COL12A1: variants seen among roughly 807,000 people sequenced by gnomAD.
COL12A1 encodes the protein collagen alpha-1(XII) chain.
A neutral mutation model predicts 349.7 loss-of-function variants in COL12A1; 114 were observed. That is an observed-to-expected ratio of 0.33 (90% CI 0.28 to 0.38). The LOEUF is 0.38. Among genes scored for constraint, COL12A1 ranks in the 10% least tolerant of loss-of-function variants. The pLI is 1.00. For synonymous variants in COL12A1, 1,369 were observed against 1,329.0 expected (o/e 1.03, Z -0.66); for missense variants, 3,284 against 3,756.9 (o/e 0.87, Z 3.29).
intron 12 of COL12A1, among the ~76,000 whole-genome samples, chr6:75,176,380 G>C (rs368213614): frequency 6.6e-6 from 1 of 151,244 alleles, no homozygotes. Flanking sequence ...AGGTGGGAGA[G>C]TGATGCAGTG....
chr6:75,138,306 A>G lies in COL12A1; in HGVS notation c.5251+14T>C, dbSNP rs188210409. On this transcript the variant is annotated intron_variant, in intron 30 of 65. Coordinates refer to ENST00000322507, the MANE Select transcript of COL12A1 (RefSeq NM_004370.6). Reference sequence around the variant, plus strand: ...ATTTGTTCATTCAAACAATTCATCAAATTAAATTCTTACCTTGTGTTGTTA... The same window carrying G: ...ATTTGTTCATTCAAACAATTCATCAGATTAAATTCTTACCTTGTGTTGTTA... 119 of 1,603,024 alleles carry G rather than the reference A, an allele frequency of 7.4e-5. No individual in the cohort carries two copies. In the South Asian group the frequency reaches 7.6e-4, roughly 10 times the overall value.
At chr6:75,121,170 G>A (rs1342916517) in intron 44 of COL12A1, 132 bp downstream of exon 44, 1 of 776,372 alleles carries the variant, frequency 1.3e-6, no homozygotes, top group African/African-American at 1.8e-5. Context: ...AAAAATACAT[G>A]AATAAAAGAA....
chr6:75,185,163 T>C (rs1769544830), intron 8 of COL12A1, among the ~76,000 whole-genome samples: 1 of 152,120 alleles, frequency 6.6e-6, no homozygotes, highest in African/African-American at 2.4e-5. Flanking sequence ...CATCCAAATA[T>C]GAAGAAAGGA....
intron 44 of COL12A1, among the ~76,000 whole-genome samples, chr6:75,120,443 C>T (rs1432150945): frequency 6.6e-6 from 1 of 151,960 alleles, no homozygotes; most frequent in Non-Finnish European, 1.5e-5. Context: ...GAAGAAAATT[C>T]ACCAAAGAAA....
Position 75,138,434 on chromosome 6 carries a change from A to T in COL12A1, c.5230+14T>A. 2 of 1,610,232 alleles carry T rather than the reference A, an allele frequency of 1.2e-6. No homozygotes were observed. Among genetic ancestry groups the T allele is most frequent in the South Asian group, 1.1e-5 (1 of 89,816 alleles). On this transcript the variant is annotated intron_variant, in intron 29 of 65. Coordinates refer to ENST00000322507, the MANE Select transcript of COL12A1 (RefSeq NM_004370.6). ...TTAAAATATCAATGTCCTATTTGAA[A>T]GCTAAACACCTACGTGTGCGCTCAC...
Position 75,183,241 on chromosome 6 carries a change from G to A in COL12A1, c.1700C>T (p.Ser567Leu). 6.2e-7 allele frequency: 1 copy of A among 1,614,172 alleles called. No individual in the cohort carries two copies. The highest frequency in any genetic ancestry group is 8.5e-7 in the Non-Finnish European group (1 of 1,180,026). Residue 567 changes from serine (S) to leucine (L), a missense_variant, in exon 10 of 66, where the codon TCA becomes TTA. This residue lies in a region of COL12A1 where 2,601 missense variants were observed against 2,824.8 expected (regional missense o/e 0.92). Transcript: ENST00000322507. ...FRDPAIKLRN[S>L]DVEIFAVGVK... The stretch of plus-strand genomic sequence containing the variant: ...ACCAACTGCAAAGATTTCAACATCT[G>A]AATTCCTCAGTTTTATCGCAGGATC...
rs1767575337 is a variant in COL12A1 at position 75,087,754 on chromosome 6, T to G, written c.9011-7A>C. 1.2e-6 allele frequency: 2 copies of G among 1,604,004 alleles called. No homozygotes were observed. Among genetic ancestry groups the G allele is most frequent in the Non-Finnish European group, 1.7e-6 (2 of 1,177,072 alleles). On this transcript the variant is annotated splice_polypyrimidine_tract_variant and splice_region_variant and intron_variant, in intron 64 of 65. Coordinates refer to ENST00000322507, the MANE Select transcript of COL12A1 (RefSeq NM_004370.6). ...CTGGATTCTCCTTGTGGACCTAGTG[T>G]GGAGTTAAAACAAATATATTTCCCC...
At chr6:75,144,292 C>T (rs1210656571) in intron 25 of COL12A1, among the ~76,000 whole-genome samples, 1 of 152,100 alleles carries the variant, frequency 6.6e-6, no homozygotes, top group East Asian at 1.9e-4. Context: ...TTCCATCTGC[C>T]ACTATCCCAT....
intron 17 of COL12A1, among the ~76,000 whole-genome samples, chr6:75,153,502 T>A (rs1028044183): frequency 2.6e-5 from 4 of 152,148 alleles, no homozygotes; most frequent in African/African-American, 9.7e-5. Flanking sequence ...AATTTTCCAG[T>A]TTATTACAAG....
In COL12A1 at chr6:75,136,353, G is replaced by T. The variant is rs536562411; in HGVS notation, c.5394+1084C>A. Reference sequence around the variant, plus strand: ...AAACAGACAAATTCTCAGTCCAAATGCATCACACTACCTAAGACTGGAGCT... The same window carrying T: ...AAACAGACAAATTCTCAGTCCAAATTCATCACACTACCTAAGACTGGAGCT... On this transcript the variant is annotated intron_variant, in intron 31 of 65. Transcript: ENST00000322507. Among the ~76,000 whole-genome samples, 3 of 152,156 alleles carry T rather than the reference G, an allele frequency of 2.0e-5. No individual in the cohort carries two copies. In the South Asian group the frequency reaches 6.2e-4, roughly 32 times the overall value.
chr6:75,192,426 T>G (rs1769981416), intron 3 of COL12A1, 71 bp from the exon 4 acceptor site: 1 of 1,338,314 alleles, frequency 7.5e-7, no homozygotes, highest in Admixed American at 2.2e-5. Flanking sequence ...ACATTGTAAT[T>G]CCCAGAGGTA....
Position 75,119,191 on chromosome 6 carries a change from A to G in COL12A1, c.7211-5T>C. On this transcript the variant is annotated splice_region_variant and splice_polypyrimidine_tract_variant and intron_variant, in intron 45 of 65. Transcript: ENST00000322507. Reference sequence around the variant, plus strand: ...TGATAAACGTGAGGGCCTTGCCTACAGAATGTGGCATGGAAAATTTTAGTG... The same window carrying G: ...TGATAAACGTGAGGGCCTTGCCTACGGAATGTGGCATGGAAAATTTTAGTG... 6.2e-7 allele frequency: 1 copy of G among 1,613,910 alleles called. No homozygotes were observed. The highest frequency in any genetic ancestry group is 1.7e-5 in the Admixed American group (1 of 60,006).
chr6:75,196,638 T>A (rs1770240768), intron 2 of COL12A1, among the ~76,000 whole-genome samples: 1 of 152,212 alleles, frequency 6.6e-6, no homozygotes, highest in African/African-American at 2.4e-5. Context: ...TACTCATCAC[T>A]CAGTATAACA....
chr6:75,130,372 T>C, intron 36 of COL12A1, 139 bp from the exon 37 acceptor site: 1 of 895,348 alleles, frequency 1.1e-6, no homozygotes, highest in Non-Finnish European at 1.6e-6. Context: ...ACATTTATGG[T>C]TTTAATGTGA....
intron 18 of COL12A1, 31 bp from the exon 19 acceptor site, chr6:75,152,281 TGAAAGA>T: frequency 6.2e-7 from 1 of 1,613,566 alleles, no homozygotes; most frequent in South Asian, 1.1e-5. Flanking sequence ...TTAGTGCATG[TGAAAGA>T]GAAAGATAAA....
In COL12A1 at chr6:75,117,566, G is replaced by A; in HGVS notation, c.7355-20C>T. 1 of 1,604,162 alleles carries A rather than the reference G, an allele frequency of 6.2e-7. No individual in the cohort carries two copies. The highest frequency in any genetic ancestry group is 8.5e-7 in the Non-Finnish European group (1 of 1,172,704). ...TGAACCCTGCAAAGTAGCATTTATA[G>A]AATGAATCACGTATCTCTTTTTCTG... On this transcript the variant is annotated intron_variant, in intron 46 of 65. Transcript: ENST00000322507.
At chr6:75,176,528 G>C (rs1356569850) in intron 12 of COL12A1, among the ~76,000 whole-genome samples, 1 of 151,562 alleles carries the variant, frequency 6.6e-6, no homozygotes, top group Non-Finnish European at 1.5e-5. Context: ...TAGAGGGAGG[G>C]AGGGCAGTGG....
At chr6:75,199,683 C>T (rs1253570174) in intron 2 of COL12A1, among the ~76,000 whole-genome samples, 2 of 152,108 alleles carry the variant, frequency 1.3e-5, no homozygotes, top group Non-Finnish European at 2.9e-5. Flanking sequence ...TTCTAGGCCA[C>T]TCAGATACAG....
At chr6:75,146,806 T>C (rs1396878256) in intron 23 of COL12A1, among the ~76,000 whole-genome samples, 1 of 152,188 alleles carries the variant, frequency 6.6e-6, no homozygotes, top group Non-Finnish European at 1.5e-5. Context: ...AGTTCAAAGT[T>C]TTAAGAAATT....
Sources: allele counts gnomAD v4.1 joint callset (sites outside exome capture counted in the v4.1 genomes callset), GRCh38; gene constraint gnomAD v4.1.1; regional missense constraint gnomAD v4.1.1; transcripts MANE v1.5; gene names NCBI Gene and HGNC (gene_info 2026-07-23, HGNC 2026-07-21).